VAV3: variants seen among roughly 807,000 people sequenced by gnomAD.
The protein encoded by VAV3 is vav guanine nucleotide exchange factor 3.
In VAV3, 94 loss-of-function variants were observed where a neutral mutation model predicts 131.2. The observed-to-expected ratio is 0.72, with a 90% CI of 0.61 to 0.85. VAV3 has a LOEUF of 0.85. Ranked by LOEUF, VAV3 falls within the 40% of genes least tolerant of loss-of-function variation. The pLI, the probability that VAV3 is intolerant of heterozygous loss-of-function variation, is 0.00. For missense variants in VAV3, 939 were observed against 1,002.7 expected (o/e 0.94, Z 0.86); for synonymous variants, 349 against 342.0 (o/e 1.02, Z -0.22).
intron 18 of VAV3, chr1:107,686,060 A>G (rs1659010013): frequency 6.6e-6 from 1 of 151,104 alleles, no homozygotes. Flanking sequence ...GCAGGAACCA[A>G]ACTCAATTCT....
intron 1 of VAV3, among the ~76,000 whole-genome samples, chr1:107,889,501 A>T (rs1420807803): frequency 6.6e-6 from 1 of 152,224 alleles, no homozygotes; most frequent in African/African-American, 2.4e-5. Flanking sequence ...ATCCAGGACC[A>T]TCTGTGGTGA....
intron 1 of VAV3, among the ~76,000 whole-genome samples, chr1:107,947,555 A>G (rs547395366): frequency 1.3e-5 from 2 of 152,282 alleles, no homozygotes; most frequent in South Asian, 2.1e-4. Flanking sequence ...ACTCTTCACA[A>G]TACTCTGCAG....
At chr1:107,782,970 C>T (rs1557844197) in intron 2 of VAV3, among the ~76,000 whole-genome samples, 1 of 152,210 alleles carries the variant, frequency 6.6e-6, no homozygotes, top group Non-Finnish European at 1.5e-5. Context: ...CAGAAACAGA[C>T]ATAGCTAGTA....
chr1:107,955,508 A>G (rs1261961385), intron 1 of VAV3, among the ~76,000 whole-genome samples: 2 of 152,098 alleles, frequency 1.3e-5, no homozygotes, highest in Non-Finnish European at 1.5e-5. Flanking sequence ...AGGGAGACGG[A>G]TAAGGAAAAA....
At chr1:107,826,411 A>G (rs75276122) in intron 2 of VAV3, among the ~76,000 whole-genome samples, 1 of 152,262 alleles carries the variant, frequency 6.6e-6, no homozygotes. Context: ...GGAGTCATCA[A>G]CCCTTCCAAG....
chr1:107,955,131 G>A (rs1004814136), intron 1 of VAV3, among the ~76,000 whole-genome samples: 3 of 152,074 alleles, frequency 2.0e-5, no homozygotes, highest in Admixed American at 2.0e-4. Context: ...GCCCTCACAA[G>A]AACCCTAGGA....
At chr1:107,697,563 G>T (rs1659824290) in intron 17 of VAV3, among the ~76,000 whole-genome samples, 1 of 152,182 alleles carries the variant, frequency 6.6e-6, no homozygotes, top group African/African-American at 2.4e-5. Context: ...CCAAAGTTTA[G>T]AGAATGATGC....
chr1:107,619,352 TA>T (rs2101237812), intron 20 of VAV3, among the ~76,000 whole-genome samples: 1 of 152,282 alleles, frequency 6.6e-6, no homozygotes, highest in East Asian at 1.9e-4. Flanking sequence ...GGAGGGATGG[TA>T]GCAGTAACTA....
intron 20 of VAV3, among the ~76,000 whole-genome samples, chr1:107,618,978 G>A (rs539141736): frequency 6.6e-6 from 1 of 152,186 alleles, no homozygotes; most frequent in Non-Finnish European, 1.5e-5. Flanking sequence ...CACTTTCGGA[G>A]TTGAGAATAT....
chr1:107,656,953 T>C (rs1483595725), intron 19 of VAV3, among the ~76,000 whole-genome samples: 4 of 142,856 alleles, frequency 2.8e-5, no homozygotes, highest in African/African-American at 1.0e-4. Context: ...CTTTTTTTTT[T>C]TTTTTTTTTT....
Position 107,688,411 on chromosome 1 carries a change from A to C in VAV3, c.1706-5T>G. 6.2e-7 allele frequency: 1 copy of C among 1,613,466 alleles called. No homozygotes were observed. Among genetic ancestry groups the C allele is most frequent in the Non-Finnish European group, 8.5e-7 (1 of 1,179,680 alleles). The stretch of plus-strand genomic sequence containing the variant: ...GTAGTTTGAGTGTCCCTTGTTCTGA[A>C]AGAAATGTAAAAATTGGCATTGTCA... On this transcript the variant is annotated splice_polypyrimidine_tract_variant and splice_region_variant and intron_variant, in intron 17 of 26. Coordinates refer to ENST00000370056, the MANE Select transcript of VAV3 (RefSeq NM_006113.5).
At chr1:107,866,503 A>G (rs1420273559) in intron 2 of VAV3, among the ~76,000 whole-genome samples, 1 of 152,116 alleles carries the variant, frequency 6.6e-6, no homozygotes, top group Non-Finnish European at 1.5e-5. Context: ...AACTAAAGGC[A>G]AAAGCAAGGA....
chr1:107,775,541 G>A (rs1047186935), intron 4 of VAV3, among the ~76,000 whole-genome samples: 4 of 120,906 alleles, frequency 3.3e-5, no homozygotes, highest in East Asian at 2.7e-4. Context: ...TCGTGCCATC[G>A]CACTCTAGCC....
intron 19 of VAV3, among the ~76,000 whole-genome samples, chr1:107,664,794 G>A (rs984110739): frequency 6.6e-6 from 1 of 152,178 alleles, no homozygotes; most frequent in Admixed American, 6.5e-5. Context: ...ATTCTTGGAA[G>A]AGGGAATACT....
At chr1:107,573,902 C>T (rs1273551901) in intron 26 of VAV3, 145 bp downstream of exon 26, 2 of 1,052,684 alleles carry the variant, frequency 1.9e-6, no homozygotes, top group Admixed American at 2.7e-5. Flanking sequence ...CAGCAAAACA[C>T]AGCACCAGTT....
At chr1:107,669,408 G>T in intron 19 of VAV3, 1 of 1,289,550 alleles carries the variant, frequency 7.8e-7, no homozygotes, top group Non-Finnish European at 1.0e-6. Flanking sequence ...TCTTCTTTTG[G>T]CTTTTTACAA....
chr1:107,753,671 T>C (rs1347740268), intron 12 of VAV3, among the ~76,000 whole-genome samples: 2 of 151,492 alleles, frequency 1.3e-5, no homozygotes, highest in Non-Finnish European at 2.9e-5. Context: ...GCAATTCTCC[T>C]GCCTCAGCCT....
chr1:107,782,301 T>TC (rs1460960323), intron 2 of VAV3, among the ~76,000 whole-genome samples: 1 of 152,006 alleles, frequency 6.6e-6, no homozygotes, highest in Non-Finnish European at 1.5e-5. Flanking sequence ...CTATTCCTTT[T>TC]CCCCCACCAA....
intron 2 of VAV3, among the ~76,000 whole-genome samples, chr1:107,833,787 C>T (rs1165821755): frequency 1.3e-5 from 2 of 152,162 alleles, no homozygotes; most frequent in Admixed American, 6.5e-5. Flanking sequence ...TAGGGAGTCA[C>T]TTGGATGACA....
Sources: allele counts gnomAD v4.1 joint callset (sites outside exome capture counted in the v4.1 genomes callset), GRCh38; gene constraint gnomAD v4.1.1; transcripts MANE v1.5; gene names NCBI Gene and HGNC (gene_info 2026-07-23, HGNC 2026-07-21).